FUT8: variants seen among roughly 807,000 people sequenced by gnomAD.
FUT8 encodes the protein alpha-(1,6)-fucosyltransferase.
FUT8 carries 29 observed loss-of-function variants against 71.3 expected under a neutral mutation model. That is an observed-to-expected ratio of 0.41 (90% confidence interval 0.30 to 0.55). The LOEUF (loss-of-function observed/expected upper bound fraction) is 0.55, where lower values mean the gene tolerates loss of function less well. FUT8 is among the 20% of genes least tolerant of loss of function. The probability of loss-of-function intolerance (pLI) is 0.34; values close to 1 mark genes in which losing one functional copy is unlikely to be tolerated. For synonymous variants in FUT8, 254 were observed against 239.3 expected (o/e 1.06, Z -0.57); for missense variants, 544 against 702.1 (o/e 0.77, Z 2.55).
At chr14:65,474,441 G>GAGAAAAAAAAAAAAAAAAAAAAAAAA (rs2066199658) in intron 2 of FUT8, among the ~76,000 whole-genome samples, 1 of 39,698 alleles carries the variant, frequency 2.5e-5, no homozygotes, top group African/African-American at 1.0e-4. Flanking sequence ...TGTCTCTACT[G>GAGAAAAAAAAAAAAAAAAAAAAAAAA]AAAAAAAAAA....
At chr14:65,468,389 A>AT (rs139616800) in intron 2 of FUT8, 66,861 of 313,694 alleles carry the variant, frequency 0.21, 7,762 homozygotes, top group African/African-American at 0.51. Flanking sequence ...GAAAGGTTGG[A>AT]TTTTTTTTTT....
chr14:65,454,674 A>AT, intron 1 of FUT8, among the ~76,000 whole-genome samples: 1 of 152,324 alleles, frequency 6.6e-6, no homozygotes, highest in East Asian at 1.9e-4. Flanking sequence ...TGTTGTTGAC[A>AT]TAAGAGTAAA....
At chr14:65,391,841 C>G in the FUT8 span, among the ~76,000 whole-genome samples, 1 of 151,874 alleles carries the variant, frequency 6.6e-6, no homozygotes, top group Non-Finnish European at 1.5e-5. Flanking sequence ...AGGCTGGTCT[C>G]GAACTCCTGA....
rs112072334 is a variant in FUT8, at chr14:65,607,165, A to G, written c.204-8813A>G. 9.9e-5 allele frequency among the ~76,000 whole-genome samples: 15 copies of G among 151,958 alleles called. 1 individual carries two copies. Among genetic ancestry groups the G allele is most frequent in the African/African-American group, 3.6e-4 (15 of 41,536 alleles). On this transcript the variant is annotated intron_variant, in intron 3 of 10. Coordinates refer to ENST00000673929, the MANE Select transcript of FUT8 (RefSeq NM_001371533.1). This position sits in a 1 kb window ranked among gnomAD's most constrained non-coding sequence, Gnocchi z 4.1. ...TTATCTGAATAACATTTGTTTCTTC[A>G]TTTTCTACACTTGTAAGTCTTACTT...
chr14:65,693,263 G>A (rs11846051), intron 7 of FUT8, among the ~76,000 whole-genome samples: 8,892 of 152,322 alleles, frequency 0.058, 306 homozygotes, highest in Admixed American at 0.11. Context: ...CAGGCACCTC[G>A]GGAGGCCGAG....
At chr14:65,614,114 A>AAC (rs983056821) in intron 3 of FUT8, among the ~76,000 whole-genome samples, 1 of 150,994 alleles carries the variant, frequency 6.6e-6, no homozygotes, top group African/African-American at 2.4e-5. Context: ...ACTGTGTCAA[A>AAC]AAAAAAAAAA....
At chr14:65,504,750 C>T (rs1464520890) in intron 2 of FUT8, among the ~76,000 whole-genome samples, 1 of 152,068 alleles carries the variant, frequency 6.6e-6, no homozygotes, top group Admixed American at 6.5e-5. Context: ...GACGGGGTTT[C>T]ACCTTGTTGG....
intron 2 of FUT8, among the ~76,000 whole-genome samples, chr14:65,476,896 C>A (rs182790469): frequency 6.6e-6 from 1 of 152,174 alleles, no homozygotes; most frequent in East Asian, 1.9e-4. Context: ...TCCCTTAATT[C>A]TTTATGCATA....
intron 6 of FUT8, among the ~76,000 whole-genome samples, chr14:65,634,192 G>A (rs2140279474): frequency 6.6e-6 from 1 of 152,038 alleles, no homozygotes; most frequent in East Asian, 1.9e-4. Context: ...AGTAGACATG[G>A]GAGACTTTTC....
rs149672075 is a variant in FUT8, at chr14:65,476,961, T to C, written c.-228+21243T>C. Among the ~76,000 whole-genome samples the C allele has an allele frequency of 2.3e-3, 351 of 152,342 alleles. 1 individual carries two copies. Among genetic ancestry groups the C allele is most frequent in the Non-Finnish European group, 4.1e-3 (278 of 68,028 alleles). ...GAAATTTTCACTGTAAATTATATAC[T>C]GGATGATTGAATTTTTAGAATTAGA... On this transcript the variant is annotated intron_variant, in intron 2 of 10. Coordinates refer to ENST00000673929, the MANE Select transcript of FUT8 (RefSeq NM_001371533.1).
At chr14:65,532,261 C>T (rs750104063) in intron 2 of FUT8, among the ~76,000 whole-genome samples, 7 of 152,100 alleles carry the variant, frequency 4.6e-5, no homozygotes, top group Non-Finnish European at 8.8e-5. Context: ...CATTCTCTTT[C>T]CTCTGCAACC....
At chr14:65,468,950 A>ACC (rs2066091470) in intron 2 of FUT8, among the ~76,000 whole-genome samples, 1 of 151,272 alleles carries the variant, frequency 6.6e-6, no homozygotes, top group African/African-American at 2.4e-5. Flanking sequence ...GGTGTGTGCC[A>ACC]CCATGCCTGG....
intron 2 of FUT8, among the ~76,000 whole-genome samples, chr14:65,548,692 C>T (rs1253275865): frequency 3.3e-5 from 5 of 151,702 alleles, no homozygotes; most frequent in Non-Finnish European, 7.4e-5. Flanking sequence ...AGTACCAAAA[C>T]CACAGTCTAT....
chr14:65,421,265 CATCACAAAGGCCTTT>C (rs2139383381), intron 1 of FUT8, among the ~76,000 whole-genome samples: 1 of 150,700 alleles, frequency 6.6e-6, no homozygotes, highest in East Asian at 2.0e-4. Context: ...GGAAGTGGAT[CATCACAAAGGCCTTT>C]ATCCTCATTG....
At position 65,638,680 on chromosome 14, in the gene FUT8, C is replaced by T. The variant is rs1055577309; in HGVS notation, c.597+9074C>T. Among the ~76,000 whole-genome samples, 3 of 152,058 alleles carry T rather than the reference C, an allele frequency of 2.0e-5. No individual in the cohort carries two copies. The highest frequency in any genetic ancestry group is 2.9e-5 in the Non-Finnish European group (2 of 67,998). ...ACCCCTCACTCCAACACAGGATTTG[C>T]CTGATCTCATTTTTCTTTGACAGGA... is the stretch of plus-strand genomic sequence containing the variant. On this transcript the variant is annotated intron_variant, in intron 6 of 10. Coordinates refer to ENST00000673929, the MANE Select transcript of FUT8 (RefSeq NM_001371533.1). The surrounding 1 kb of genome is among the most constrained non-coding windows in gnomAD (Gnocchi z 4.5).
chr14:65,580,382 A>ATT (rs1376458463), intron 3 of FUT8, among the ~76,000 whole-genome samples: 3 of 151,636 alleles, frequency 2.0e-5, no homozygotes, highest in African/African-American at 4.8e-5. Context: ...GCCTACTGTT[A>ATT]TATATGCGGT....
the FUT8 span, among the ~76,000 whole-genome samples, chr14:65,392,742 G>T: frequency 2.0e-5 from 3 of 152,194 alleles, no homozygotes. Flanking sequence ...GTTTTTGGTG[G>T]ATTACGCATT....
chr14:65,487,832 C>G (rs1327767840), intron 2 of FUT8, among the ~76,000 whole-genome samples: 2 of 152,008 alleles, frequency 1.3e-5, no homozygotes, highest in East Asian at 3.9e-4. Flanking sequence ...GCAGTTTTTT[C>G]TTTGTTTATT....
rs571347993 is a variant in FUT8 at position 65,643,934 on chromosome 14, C to T, written c.597+14328C>T. 2.0e-5 allele frequency among the ~76,000 whole-genome samples: 3 copies of T among 151,778 alleles called. No homozygotes were observed. The highest frequency in any genetic ancestry group is 2.1e-4 in the South Asian group (1 of 4,796). ...ATGCCTCATTTTTTTCAAGAAATGG[C>T]AGGTTTCGCTATAGTTCGACTCTGA... On this transcript the variant is annotated intron_variant, in intron 6 of 10. Transcript: ENST00000673929. This position sits in a 1 kb window ranked among gnomAD's most constrained non-coding sequence, Gnocchi z 4.5.
Sources: allele counts gnomAD v4.1 joint callset (sites outside exome capture counted in the v4.1 genomes callset), GRCh38; gene constraint gnomAD v4.1.1; non-coding constraint Gnocchi (gnomAD v3.1); transcripts MANE v1.5; gene names NCBI Gene and HGNC (gene_info 2026-07-23, HGNC 2026-07-21).